PPIP5K2: variants seen among roughly 807,000 people sequenced by gnomAD.
PPIP5K2 encodes diphosphoinositol pentakisphosphate kinase 2, also known as inositol hexakisphosphate and diphosphoinositol-pentakisphosphate kinase 2.
Under a neutral mutation model 154.6 loss-of-function variants are expected in PPIP5K2, and 105 were observed. That is an observed-to-expected ratio of 0.68 (90% CI 0.58 to 0.80). The LOEUF (loss-of-function observed/expected upper bound fraction) is 0.80. Among genes scored for constraint, PPIP5K2 ranks in the 30% least tolerant of loss-of-function variants. The pLI, the probability that PPIP5K2 is intolerant of heterozygous loss-of-function variation, is 0.00. For synonymous variants in PPIP5K2, 480 were observed against 490.3 expected (o/e 0.98, Z 0.28); for missense variants, 992 against 1,504.6 (o/e 0.66, Z 5.64).
rs1799870738 is a variant in PPIP5K2 at position 103,183,332 on chromosome 5, G to A, written c.3021G>A (p.Gly1007=). 6.2e-7 allele frequency: 1 copy of A among 1,608,042 alleles called. No individual in the cohort carries two copies. The highest frequency in any genetic ancestry group is 8.5e-7 in the Non-Finnish European group (1 of 1,178,088). ...VGTGRRRRRS[G]EQITSSPVSP... is the part of the protein sequence containing the mutation. ...CTGGGCGTCGAAGACGCAGATCAGG[G>A]GAACAAATCACTTCTTCCCCTGTCT... Residue 1007 remains glycine (G), a synonymous_variant, in exon 25 of 31, where the codon GGG becomes GGA. Transcript: ENST00000358359.
In PPIP5K2 at chr5:103,129,715, G is replaced by GT; in HGVS notation, c.114+17dup. 6.3e-7 allele frequency: 1 copy of GT among 1,590,676 alleles called. No homozygotes were observed. The highest frequency in any genetic ancestry group is 8.5e-7 in the Non-Finnish European group (1 of 1,172,522). ...AGGAAGATGATTCTGTAAGTTGTTT[G>GT]TTTTTCCTTTGGCGAGAGAAGACCA... On this transcript the variant is annotated intron_variant, in intron 2 of 30. Transcript: ENST00000358359.
intron 1 of PPIP5K2, among the ~76,000 whole-genome samples, chr5:103,122,122 T>C (rs1321931099): frequency 2.6e-5 from 4 of 152,164 alleles, no homozygotes; most frequent in African/African-American, 9.7e-5. Context: ...ATAGCAAATA[T>C]GGCAAAATGT....
At chr5:103,199,784 A>T (rs922816557) in intron 30 of PPIP5K2, among the ~76,000 whole-genome samples, 1 of 151,676 alleles carries the variant, frequency 6.6e-6, no homozygotes. Context: ...ATTCTTTTAG[A>T]TGTTCTGTTT....
chr5:103,142,240 G>A (rs1157993645), intron 5 of PPIP5K2, among the ~76,000 whole-genome samples: 2 of 152,128 alleles, frequency 1.3e-5, no homozygotes, highest in African/African-American at 2.4e-5. Flanking sequence ...TGGCACTGCC[G>A]GGGGACCCAG....
Position 103,167,159 on chromosome 5 carries a change from TATACTTTACTCA to T in PPIP5K2, c.1921-19_1921-8del. ...ATTAGGCATAACCAGATATAAAATA[TATACTTTACTCA>T]TTTGTAGCTTACTCCATCTGGAAGC... On this transcript the variant is annotated splice_region_variant and splice_polypyrimidine_tract_variant and intron_variant, in intron 17 of 30. Coordinates refer to ENST00000358359, the MANE Select transcript of PPIP5K2 (RefSeq NM_001276277.3). 6.7e-7 allele frequency: 1 copy of T among 1,495,240 alleles called. No individual in the cohort carries two copies. The highest frequency in any genetic ancestry group is 9.0e-7 in the Non-Finnish European group (1 of 1,114,868). 92.6% of individuals were successfully genotyped at this position (1,495,240 alleles called of 1,614,324 possible).
intron 29 of PPIP5K2, 107 bp downstream of exon 29, chr5:103,191,089 A>T (rs1801160618): frequency 1.0e-6 from 1 of 986,356 alleles, no homozygotes; most frequent in Admixed American, 2.5e-5. Context: ...GGTAATGAGT[A>T]GGAGTACAAA....
intron 26 of PPIP5K2, among the ~76,000 whole-genome samples, chr5:103,185,127 A>G (rs942377770): frequency 2.0e-5 from 3 of 152,160 alleles, no homozygotes; most frequent in African/African-American, 4.8e-5. Flanking sequence ...ATATTTTTAA[A>G]GTACAGAATA....
At chr5:103,189,929 G>A (rs1554226353) in intron 28 of PPIP5K2, among the ~76,000 whole-genome samples, 1 of 152,012 alleles carries the variant, frequency 6.6e-6, no homozygotes, top group Non-Finnish European at 1.5e-5. Flanking sequence ...ATTTAACTGC[G>A]GGAAATTAAT....
chr5:103,177,374 G>A (rs1349776268), intron 21 of PPIP5K2, among the ~76,000 whole-genome samples: 2 of 151,874 alleles, frequency 1.3e-5, no homozygotes, highest in Non-Finnish European at 2.9e-5. Context: ...TATTTCCTTC[G>A]AGTGTCATGT....
At chr5:103,138,510 G>T in intron 5 of PPIP5K2, 41 bp downstream of exon 5, 1 of 1,344,952 alleles carries the variant, frequency 7.4e-7, no homozygotes, top group South Asian at 1.2e-5. Flanking sequence ...TTTGCCACTT[G>T]ACATACTTTT....
At chr5:103,153,296 CAATT>C (rs1392150512) in intron 10 of PPIP5K2, among the ~76,000 whole-genome samples, 1 of 151,648 alleles carries the variant, frequency 6.6e-6, no homozygotes, top group Non-Finnish European at 1.5e-5. Context: ...TCAGGTAACT[CAATT>C]GATAATCCTG....
intron 5 of PPIP5K2, among the ~76,000 whole-genome samples, chr5:103,141,017 G>C (rs1277621407): frequency 8.6e-5 from 13 of 151,908 alleles, no homozygotes; most frequent in Admixed American, 7.9e-4. Context: ...TCATCAATCT[G>C]ATAGAAAAAG....
intron 17 of PPIP5K2, among the ~76,000 whole-genome samples, chr5:103,163,511 ACTTTTTTT>A (rs1796671401): frequency 6.6e-6 from 1 of 151,940 alleles, no homozygotes; most frequent in African/African-American, 2.4e-5. Flanking sequence ...GCACATCTAT[ACTTTTTTT>A]CTTTTCCAAT....
intron 21 of PPIP5K2, among the ~76,000 whole-genome samples, chr5:103,174,571 A>G (rs529372115): frequency 2.4e-4 from 37 of 152,154 alleles, no homozygotes; most frequent in African/African-American, 7.9e-4. Context: ...CAAGCAGAAC[A>G]CCTACATCTG....
At position 103,205,930 on chromosome 5, in the gene PPIP5K2, A is replaced by G. The variant is rs1803491489; in HGVS notation, c.*4296A>G. On this transcript the variant is annotated 3_prime_UTR_variant, in exon 31 of 31. Coordinates refer to ENST00000358359, the MANE Select transcript of PPIP5K2 (RefSeq NM_001276277.3). ...GTGTCACTTTGTTTTAGGTTATTTA[A>G]TATAGTATATATTGGGTTTTGCTTT... 1 of 152,102 alleles carries G rather than the reference A, an allele frequency of 6.6e-6. No homozygotes were observed. The allele number at this position is 152,102 out of a possible 1,614,324, so 9.4% of individuals were successfully genotyped here.
In PPIP5K2 at chr5:103,149,113, CATATAT is replaced by C. The variant is rs782690780; in HGVS notation, c.745-34_745-29del. ...TTGGTTACACACACACACACACATACATATATATATTTATACATTTATTAAACATTT... is the reference window on the plus strand; with the variant it reads ...TTGGTTACACACACACACACACATACATATTTATACATTTATTAAACATTT... On this transcript the variant is annotated intron_variant, in intron 7 of 30. Coordinates refer to ENST00000358359, the MANE Select transcript of PPIP5K2 (RefSeq NM_001276277.3). 20 of 1,467,866 alleles carry C rather than the reference CATATAT, an allele frequency of 1.4e-5. No homozygotes were observed. The Admixed American group carries it at 2.8e-4, about 20-fold the overall frequency. The allele number at this position is 1,467,866 out of a possible 1,614,324, so 90.9% of individuals were successfully genotyped here.
chr5:103,135,098 C>T (rs1212762207), intron 3 of PPIP5K2, among the ~76,000 whole-genome samples: 1 of 152,104 alleles, frequency 6.6e-6, no homozygotes, highest in Non-Finnish European at 1.5e-5. Flanking sequence ...TGTATGCTTG[C>T]TGATTTTTAT....
At position 103,154,929 on chromosome 5, in the gene PPIP5K2, G is replaced by A; in HGVS notation, c.1389G>A (p.Lys463=). ...EENKPKLEQL[K]TVLEMYGHFS... is the part of the protein sequence containing the mutation. ...ACAAGCCAAAACTTGAACAACTTAA[G>A]ACTGTATTAGAGATGTGAGTATCTT... The change falls in exon 13 of 31, where the codon AAG becomes AAA. Residue 463 remains lysine (K), a synonymous_variant. Coordinates refer to ENST00000358359, the MANE Select transcript of PPIP5K2 (RefSeq NM_001276277.3). 6.3e-7 allele frequency: 1 copy of A among 1,589,790 alleles called. No homozygotes were observed. The highest frequency in any genetic ancestry group is 8.6e-7 in the Non-Finnish European group (1 of 1,168,802).
intron 1 of PPIP5K2, among the ~76,000 whole-genome samples, chr5:103,124,229 G>C (rs914544952): frequency 6.8e-6 from 1 of 147,200 alleles, no homozygotes; most frequent in East Asian, 2.0e-4. Context: ...GTAGTGAGCC[G>C]AGATCGTGCC....
Sources: allele counts gnomAD v4.1 joint callset (sites outside exome capture counted in the v4.1 genomes callset), GRCh38; gene constraint gnomAD v4.1.1; transcripts MANE v1.5; gene names NCBI Gene and HGNC (gene_info 2026-07-23, HGNC 2026-07-21).